The following GRID2 variants were observed in gnomAD, a reference collection of about 807,000 sequenced individuals.
GRID2 encodes glutamate ionotropic receptor delta type subunit 2, also known as glutamate receptor ionotropic, delta-2.
A neutral mutation model predicts 114.8 loss-of-function variants in GRID2; 33 were observed. The ratio of observed to expected loss-of-function variants is 0.29; its 90% CI spans 0.22 to 0.38. The LOEUF is 0.38. GRID2 is among the 10% of genes least tolerant of loss of function. The pLI, the probability that GRID2 is intolerant of heterozygous loss-of-function variation, is 1.00. For synonymous variants in GRID2, 505 were observed against 449.9 expected, an observed-to-expected ratio of 1.12 and a Z score of -1.55; for missense variants, 1,184 against 1,257.7, an observed-to-expected ratio of 0.94 and a Z score of 0.89.
intron 3 of GRID2, among the ~76,000 whole-genome samples, chr4:93,097,743 G>C (rs1045684616): frequency 6.6e-6 from 1 of 151,804 alleles, no homozygotes; most frequent in African/African-American, 2.4e-5. Context: ...TGCAGAATTC[G>C]TTACTTTTTG....
chr4:93,074,757 G>A (rs923635194), intron 2 of GRID2, among the ~76,000 whole-genome samples: 1 of 152,122 alleles, frequency 6.6e-6, no homozygotes, highest in African/African-American at 2.4e-5. Flanking sequence ...CAGACTGGTT[G>A]GGATCAAAGA....
intron 1 of GRID2, among the ~76,000 whole-genome samples, chr4:92,345,778 A>G (rs568941550): frequency 6.6e-6 from 1 of 152,320 alleles, no homozygotes; most frequent in African/African-American, 2.4e-5. Context: ...TTTGACCATC[A>G]CACAAACTAT....
chr4:92,526,423 A>T (rs1020768461), intron 1 of GRID2, among the ~76,000 whole-genome samples: 7 of 152,068 alleles, frequency 4.6e-5, no homozygotes, highest in African/African-American at 1.7e-4. Context: ...GGCTCACTGC[A>T]ACCTCCACCT....
intron 10 of GRID2, among the ~76,000 whole-genome samples, chr4:93,430,227 C>CTGGA (rs1199111554): frequency 1.1e-4 from 17 of 152,140 alleles, no homozygotes; most frequent in Admixed American, 1.1e-3. Context: ...GTTGCCCAGG[C>CTGGA]TGGAGTTCAG....
chr4:92,802,594 A>T (rs1740228143), intron 2 of GRID2, among the ~76,000 whole-genome samples: 1 of 151,912 alleles, frequency 6.6e-6, no homozygotes, highest in Non-Finnish European at 1.5e-5. Flanking sequence ...TCCAGTTATT[A>T]TACAAGTAAT....
In GRID2 at chr4:93,745,499, C is replaced by CT. The variant is rs201508379; in HGVS notation, c.2361-23701dup. ...GTTTATGTCAGTGGGGATGAGGAAT[C>CT]TTTTTTTTTTGGAGATAAGAGTACC... On this transcript the variant is annotated intron_variant, in intron 14 of 15. Coordinates refer to ENST00000282020, the MANE Select transcript of GRID2 (RefSeq NM_001510.4). Among the ~76,000 whole-genome samples the CT allele has an allele frequency of 8.6e-3, 1,279 of 148,572 alleles. 11 individuals are homozygous for CT. Among genetic ancestry groups the CT allele is most frequent in the African/African-American group, 0.018 (725 of 40,654 alleles).
chr4:93,690,768 A>T (rs986312796), intron 14 of GRID2, among the ~76,000 whole-genome samples: 5 of 151,688 alleles, frequency 3.3e-5, no homozygotes, highest in African/African-American at 1.2e-4. Flanking sequence ...TTATACTGGA[A>T]TGATTATCTG....
At chr4:93,730,181 A>G (rs1730352493) in intron 14 of GRID2, among the ~76,000 whole-genome samples, 1 of 152,202 alleles carries the variant, frequency 6.6e-6, no homozygotes, top group African/African-American at 2.4e-5. Context: ...TCATCAGGTT[A>G]CAAGTGGTAG....
At chr4:92,941,094 G>A (rs966761958) in intron 2 of GRID2, among the ~76,000 whole-genome samples, 1 of 152,140 alleles carries the variant, frequency 6.6e-6, no homozygotes, top group African/African-American at 2.4e-5. Flanking sequence ...AAATGAGTTA[G>A]GGAGGATTCC....
At chr4:92,676,304 C>A (rs1352432339) in intron 2 of GRID2, among the ~76,000 whole-genome samples, 7 of 151,688 alleles carry the variant, frequency 4.6e-5, no homozygotes, top group African/African-American at 1.7e-4. Flanking sequence ...CTCAGCCTCC[C>A]GAGTAGCTGG....
At chr4:92,515,024 C>A (rs1724435946) in intron 1 of GRID2, among the ~76,000 whole-genome samples, 1 of 151,884 alleles carries the variant, frequency 6.6e-6, no homozygotes, top group Non-Finnish European at 1.5e-5. Context: ...TGATTCTCCA[C>A]AATTGCCCTC....
At chr4:92,813,428 A>T (rs561938452) in intron 2 of GRID2, among the ~76,000 whole-genome samples, 4 of 152,036 alleles carry the variant, frequency 2.6e-5, no homozygotes, top group Non-Finnish European at 5.9e-5. Flanking sequence ...TCTCCCAAAG[A>T]CCCTAACTCC....
chr4:93,508,025 G>GAGGGAT (rs1728800630), intron 12 of GRID2, among the ~76,000 whole-genome samples: 1 of 151,980 alleles, frequency 6.6e-6, no homozygotes, highest in African/African-American at 2.4e-5. Context: ...GGGGAATTGG[G>GAGGGAT]AGGGATAGCA....
chr4:93,655,298 A>G (rs1578489438), intron 14 of GRID2, among the ~76,000 whole-genome samples: 1 of 152,224 alleles, frequency 6.6e-6, no homozygotes, highest in African/African-American at 2.4e-5. Flanking sequence ...ACAGATCAGT[A>G]GAACAGAAAA....
chr4:93,179,378 C>G (rs1435434597), intron 4 of GRID2, among the ~76,000 whole-genome samples: 2 of 152,074 alleles, frequency 1.3e-5, no homozygotes, highest in Non-Finnish European at 2.9e-5. Context: ...GGTTAAAAAT[C>G]AAATGAAATG....
intron 14 of GRID2, among the ~76,000 whole-genome samples, chr4:93,739,976 C>A (rs1377917700): frequency 6.6e-6 from 1 of 152,092 alleles, no homozygotes; most frequent in African/African-American, 2.4e-5. Context: ...TCTTGAAAGA[C>A]AAATTTTAAG....
chr4:93,383,318 C>A (rs1404592441), intron 8 of GRID2, among the ~76,000 whole-genome samples: 2 of 152,132 alleles, frequency 1.3e-5, no homozygotes, highest in African/African-American at 4.8e-5. Context: ...ATTCCTTTTG[C>A]CCATGCTGGC....
At position 92,476,023 on chromosome 4, in the gene GRID2, CT is replaced by C. The variant is rs752757998; in HGVS notation, c.89-114090del. On this transcript the variant is annotated intron_variant, in intron 1 of 15. Coordinates refer to ENST00000282020, the MANE Select transcript of GRID2 (RefSeq NM_001510.4). ...TACTGATTTAAGAAATTCAGTGCTT[CT>C]TTTTTTTTTTTTTTTTTGTGACGGA... is the stretch of plus-strand genomic sequence containing the variant. Among the ~76,000 whole-genome samples the C allele has an allele frequency of 3.6e-3, 455 of 125,082 alleles. 3 individuals carry two copies. Among genetic ancestry groups the C allele is most frequent in the East Asian group, 0.027 (112 of 4,180 alleles). 82.1% of individuals were successfully genotyped at this position (125,082 alleles called of 152,430 possible). A position where few individuals can be genotyped will look rare whatever the true frequency, so the allele number is the denominator to read the frequency against.
chr4:93,676,357 T>C (rs531588573), intron 14 of GRID2, among the ~76,000 whole-genome samples: 1 of 152,198 alleles, frequency 6.6e-6, no homozygotes, highest in African/African-American at 2.4e-5. Context: ...AGCAATGATC[T>C]TTCTAAAAAT....
Sources: allele counts gnomAD v4.1 joint callset (sites outside exome capture counted in the v4.1 genomes callset), GRCh38; gene constraint gnomAD v4.1.1; transcripts MANE v1.5; gene names NCBI Gene and HGNC (gene_info 2026-07-23, HGNC 2026-07-21).